TXNRD1: variants seen among roughly 807,000 people sequenced by gnomAD.
The protein encoded by TXNRD1 is thioredoxin reductase 1, cytoplasmic.
In TXNRD1, 57 loss-of-function variants were observed where a neutral mutation model predicts 80.3. The observed-to-expected ratio is 0.71, with a 90% CI of 0.57 to 0.89. TXNRD1 has a LOEUF of 0.89. TXNRD1 is among the 40% of genes least tolerant of loss of function. The probability of loss-of-function intolerance (pLI) is 0.00; values close to 1 mark genes in which losing one functional copy is unlikely to be tolerated. For synonymous variants in TXNRD1, 291 were observed against 285.2 expected, an observed-to-expected ratio of 1.02 and a Z score of -0.20; for missense variants, 730 against 803.0, an observed-to-expected ratio of 0.91 and a Z score of 1.10.
chr12:104,308,472 TTAAAA>T (rs2035011947), intron 4 of TXNRD1, among the ~76,000 whole-genome samples: 1 of 152,090 alleles, frequency 6.6e-6, no homozygotes, highest in Admixed American at 6.5e-5. Flanking sequence ...AAAAAATTTT[TTAAAA>T]TAAAAATACG....
At chr12:104,343,530 T>C (rs2036393906) in intron 16 of TXNRD1, among the ~76,000 whole-genome samples, 1 of 152,118 alleles carries the variant, frequency 6.6e-6, no homozygotes, top group African/African-American at 2.4e-5. Context: ...CCAGGCGTGG[T>C]GGCTCACTCC....
intron 3 of TXNRD1, chr12:104,265,428 C>T (rs1048328900): frequency 1.2e-6 from 2 of 1,603,532 alleles, no homozygotes. Flanking sequence ...ATGTCGTCGC[C>T]AAGTCCCGCT....
At chr12:104,259,932 G>A (rs544241331) in intron 3 of TXNRD1, among the ~76,000 whole-genome samples, 76 of 152,286 alleles carry the variant, frequency 5.0e-4, no homozygotes, top group African/African-American at 1.7e-3. Context: ...GTTTTACATG[G>A]ACTATGCTGG....
In TXNRD1 at chr12:104,315,775, A is replaced by G; in HGVS notation, c.611-2A>G. 1 of 1,610,434 alleles carries G rather than the reference A, an allele frequency of 6.2e-7. No homozygotes were observed. Among genetic ancestry groups the G allele is most frequent in the Non-Finnish European group, 8.5e-7 (1 of 1,177,786 alleles). On this transcript the variant is annotated splice_acceptor_variant, in intron 6 of 16. Transcript: ENST00000525566. LOFTEE classifies it high-confidence loss of function. Reference sequence around the variant, plus strand: ...TAAACTGATTTCTCAATGTTGTTGTAGGTCTCGGAGGAACATGTGTGAATG... The same window carrying G: ...TAAACTGATTTCTCAATGTTGTTGTGGGTCTCGGAGGAACATGTGTGAATG...
chr12:104,224,861 C>A (rs1215587286), intron 1 of TXNRD1: 1 of 456,632 alleles, frequency 2.2e-6, no homozygotes, highest in South Asian at 1.5e-5. Context: ...CCTCTCTGCC[C>A]CTGACTCACT....
intron 10 of TXNRD1, among the ~76,000 whole-genome samples, chr12:104,322,374 CTTTTTTTTTTTTTTT>C (rs58288808): frequency 3.2e-5 from 2 of 61,548 alleles, no homozygotes; most frequent in East Asian, 5.1e-4. Context: ...TTATTTTTAC[CTTTTTTTTTTTTTTT>C]TTTTTTTTTG....
At chr12:104,300,989 T>G (rs1265144782) in intron 4 of TXNRD1, among the ~76,000 whole-genome samples, 1 of 152,170 alleles carries the variant, frequency 6.6e-6, no homozygotes, top group Non-Finnish European at 1.5e-5. Context: ...AAGTCTGCCT[T>G]TCTTAGGATG....
chr12:104,297,312 A>C (rs572887096), intron 4 of TXNRD1, among the ~76,000 whole-genome samples: 52 of 151,742 alleles, frequency 3.4e-4, no homozygotes, highest in African/African-American at 1.2e-3. Flanking sequence ...TCTCAAAAAA[A>C]AAAAAAAAAA....
At chr12:104,303,745 G>C (rs1388327999) in intron 4 of TXNRD1, 2 of 955,066 alleles carry the variant, frequency 2.1e-6, no homozygotes, top group Non-Finnish European at 2.9e-6. Flanking sequence ...GCGCATGGGC[G>C]GGCGTCCTCG....
intron 1 of TXNRD1, among the ~76,000 whole-genome samples, chr12:104,227,707 A>G (rs1370628499): frequency 3.3e-5 from 5 of 152,200 alleles, no homozygotes; most frequent in East Asian, 1.9e-4. Flanking sequence ...CTGTATTCCA[A>G]TCTCTGGAGC....
intron 3 of TXNRD1, among the ~76,000 whole-genome samples, chr12:104,277,987 C>T (rs534496540): frequency 1.9e-4 from 29 of 151,466 alleles, no homozygotes; most frequent in African/African-American, 6.8e-4. Flanking sequence ...CTCCATTCTC[C>T]TGCCTCACCC....
intron 2 of TXNRD1, among the ~76,000 whole-genome samples, chr12:104,255,657 G>T (rs922292942): frequency 6.6e-6 from 1 of 152,254 alleles, no homozygotes; most frequent in Non-Finnish European, 1.5e-5. Context: ...GCCGGGCTTG[G>T]TGATGCATGC....
At chr12:104,217,248 A>G (rs561068303) in intron 1 of TXNRD1, among the ~76,000 whole-genome samples, 45 of 150,666 alleles carry the variant, frequency 3.0e-4, no homozygotes, top group South Asian at 1.9e-3. Flanking sequence ...CCATTTATTT[A>G]CTGTTTTTCT....
chr12:104,308,754 C>A (rs1233618924), intron 4 of TXNRD1, among the ~76,000 whole-genome samples: 1 of 152,034 alleles, frequency 6.6e-6, no homozygotes, highest in Non-Finnish European at 1.5e-5. Context: ...TTCCTTATCC[C>A]ATCTCTGTGC....
intron 3 of TXNRD1, chr12:104,286,853 G>T: frequency 9.2e-7 from 1 of 1,087,378 alleles, no homozygotes; most frequent in Non-Finnish European, 1.1e-6. Flanking sequence ...AGAGGATGTG[G>T]TGTCACCCAA....
intron 3 of TXNRD1, among the ~76,000 whole-genome samples, chr12:104,275,147 G>A (rs566001802): frequency 4.8e-4 from 73 of 151,740 alleles, no homozygotes; most frequent in African/African-American, 1.7e-3. Context: ...GTGTGGTGGC[G>A]CATGCCTGTA....
At chr12:104,226,679 G>A (rs927900152) in intron 1 of TXNRD1, among the ~76,000 whole-genome samples, 13 of 152,148 alleles carry the variant, frequency 8.5e-5, no homozygotes, top group Non-Finnish European at 1.9e-4. Context: ...TCCCTCATTT[G>A]CAAAATGAAG....
rs534973536 is a variant in TXNRD1 at position 104,316,429 on chromosome 12, G to A, written c.730+533G>A. ...ATTTGAGACGGAGTCTCACTCTGTC[G>A]CCCAGGCTGGAGTGCAGTGGCACGA... On this transcript the variant is annotated intron_variant, in intron 7 of 16. Coordinates refer to ENST00000525566, the MANE Select transcript of TXNRD1 (RefSeq NM_001093771.3). 9.3e-4 allele frequency among the ~76,000 whole-genome samples: 141 copies of A among 152,044 alleles called. No homozygotes were observed. The Middle Eastern group carries it at 0.017, about 18-fold the overall frequency.
chr12:104,337,556 CAAAAA>C (rs1336549121), intron 15 of TXNRD1, among the ~76,000 whole-genome samples: 2 of 151,826 alleles, frequency 1.3e-5, no homozygotes, highest in African/African-American at 4.8e-5. Context: ...CTTTTGCTTT[CAAAAA>C]TGTTTTCAGA....
Sources: allele counts gnomAD v4.1 joint callset (sites outside exome capture counted in the v4.1 genomes callset), GRCh38; gene constraint gnomAD v4.1.1; transcripts MANE v1.5; gene names NCBI Gene and HGNC (gene_info 2026-07-23, HGNC 2026-07-21).